Variants in DLG2 observed in about 807,000 individuals in gnomAD.
The protein encoded by DLG2 is discs large MAGUK scaffold protein 2, also known as disks large homolog 2.
A neutral mutation model predicts 132.5 loss-of-function variants in DLG2; 45 were observed. That is an observed-to-expected ratio of 0.34 (90% CI 0.27 to 0.44). The LOEUF is 0.44. DLG2 is among the 20% of genes least tolerant of loss of function. The probability of loss-of-function intolerance (pLI) is 1.00; values close to 1 mark genes in which losing one functional copy is unlikely to be tolerated. For synonymous variants in DLG2, 424 were observed against 419.6 expected, an observed-to-expected ratio of 1.01 and a Z score of -0.13; for missense variants, 1,045 against 1,196.9, an observed-to-expected ratio of 0.87 and a Z score of 1.87.
chr11:83,842,700 C>T (rs2057862027), intron 16 of DLG2, among the ~76,000 whole-genome samples: 1 of 151,218 alleles, frequency 6.6e-6, no homozygotes. Flanking sequence ...CCTGTAGCCC[C>T]AGGTACTCGG....
At chr11:83,756,864 AG>A (rs1210135669) in intron 18 of DLG2, among the ~76,000 whole-genome samples, 1 of 146,350 alleles carries the variant, frequency 6.8e-6, no homozygotes, top group Non-Finnish European at 1.5e-5. Flanking sequence ...CATTATAGTT[AG>A]CCTTTCAGCT....
intron 6 of DLG2, among the ~76,000 whole-genome samples, chr11:85,040,089 C>T (rs956307139): frequency 2.6e-5 from 4 of 151,900 alleles, no homozygotes; most frequent in Admixed American, 6.6e-5. Context: ...ATTCAATGTG[C>T]ACTTTCCGAG....
intron 4 of DLG2, among the ~76,000 whole-genome samples, chr11:85,187,850 AC>A (rs1464398127): frequency 6.6e-6 from 1 of 152,154 alleles, no homozygotes; most frequent in African/African-American, 2.4e-5. Context: ...AAAGGAATAA[AC>A]AGTGGCTCCA....
intron 4 of DLG2, among the ~76,000 whole-genome samples, chr11:85,195,719 G>A (rs1020355918): frequency 6.6e-5 from 10 of 151,918 alleles, no homozygotes; most frequent in Non-Finnish European, 1.5e-4. Context: ...GTAGAGACGG[G>A]GTTTCACCGT....
At chr11:84,969,408 C>T (rs1000546027) in intron 6 of DLG2, among the ~76,000 whole-genome samples, 1 of 152,162 alleles carries the variant, frequency 6.6e-6, no homozygotes, top group Non-Finnish European at 1.5e-5. Context: ...CACAGTGGCT[C>T]TCATTCTCTT....
intron 11 of DLG2, among the ~76,000 whole-genome samples, chr11:84,043,551 G>C (rs2096155949): frequency 6.6e-6 from 1 of 151,640 alleles, no homozygotes; most frequent in South Asian, 2.1e-4. Flanking sequence ...CCACTCTCAA[G>C]TAGGCCCCAG....
chr11:83,648,539 G>C (rs2068974327), intron 18 of DLG2, among the ~76,000 whole-genome samples: 1 of 152,066 alleles, frequency 6.6e-6, no homozygotes, highest in African/African-American at 2.4e-5. Context: ...TAAAACCTCT[G>C]GCTTTTGAAT....
chr11:83,783,745 A>G (rs1262224524), intron 18 of DLG2, among the ~76,000 whole-genome samples: 2 of 152,152 alleles, frequency 1.3e-5, no homozygotes, highest in African/African-American at 4.8e-5. Context: ...ACTCCTGAAT[A>G]GAAATTTCAC....
intron 17 of DLG2, chr11:83,790,719 C>G: frequency 1.3e-6 from 1 of 784,982 alleles, no homozygotes; most frequent in South Asian, 1.4e-5. Context: ...AGTCAACAAC[C>G]CATTCATGGA....
intron 5 of DLG2, among the ~76,000 whole-genome samples, chr11:85,125,476 C>T (rs1339631882): frequency 6.6e-6 from 1 of 152,094 alleles, no homozygotes; most frequent in Non-Finnish European, 1.5e-5. Flanking sequence ...TACAAATCTA[C>T]AACTAATTGT....
chr11:85,111,671 T>TAC lies in DLG2; in HGVS notation c.346_347insGT (p.His116ArgfsTer23). Reference sequence around the variant, plus strand: ...AATAATCAAACTTACAGTACAGTGGTGGACAGGCATCCAAGCAGGGGCTTC... The same window carrying TAC: ...AATAATCAAACTTACAGTACAGTGGTACGGACAGGCATCCAAGCAGGGGCTTC... On this transcript the variant is annotated frameshift_variant, in exon 6 of 28. Transcript: ENST00000376104. LOFTEE classifies it high-confidence loss of function. The TAC allele has an allele frequency of 6.4e-7, 1 of 1,562,680 alleles. No individual in the cohort carries two copies. The highest frequency in any genetic ancestry group is 1.2e-5 in the South Asian group (1 of 84,552).
chr11:84,307,005 G>A (rs1304844275), intron 7 of DLG2, among the ~76,000 whole-genome samples: 1 of 152,140 alleles, frequency 6.6e-6, no homozygotes, highest in Non-Finnish European at 1.5e-5. Context: ...ATACCCGAAG[G>A]AATATAAATT....
intron 8 of DLG2, among the ~76,000 whole-genome samples, chr11:84,243,220 G>T (rs2097259058): frequency 6.6e-6 from 1 of 151,974 alleles, no homozygotes; most frequent in African/African-American, 2.4e-5. Context: ...AGCCCTACTG[G>T]CTACTAAGCA....
chr11:84,173,919 A>G (rs2095878288), intron 8 of DLG2, among the ~76,000 whole-genome samples: 1 of 147,854 alleles, frequency 6.8e-6, no homozygotes, highest in East Asian at 2.0e-4. Flanking sequence ...GGCAGTGATG[A>G]CCATTTATTT....
intron 11 of DLG2, among the ~76,000 whole-genome samples, chr11:84,036,041 A>C (rs2095855726): frequency 6.6e-6 from 1 of 152,140 alleles, no homozygotes; most frequent in South Asian, 2.1e-4. Context: ...GATCTTTATC[A>C]CATCAAAGAT....
At chr11:84,849,041 T>C (rs1057371499) in intron 6 of DLG2, among the ~76,000 whole-genome samples, 3 of 152,182 alleles carry the variant, frequency 2.0e-5, no homozygotes, top group Non-Finnish European at 4.4e-5. Flanking sequence ...TTAAGATGCC[T>C]AGTTACTTAG....
intron 18 of DLG2, among the ~76,000 whole-genome samples, chr11:83,706,394 C>A (rs946349951): frequency 6.6e-6 from 1 of 151,944 alleles, no homozygotes; most frequent in African/African-American, 2.4e-5. Flanking sequence ...GTTAAGGCAG[C>A]GGCTGAATGA....
intron 7 of DLG2, among the ~76,000 whole-genome samples, chr11:84,307,104 T>C (rs745829248): frequency 3.9e-5 from 6 of 152,110 alleles, no homozygotes; most frequent in Non-Finnish European, 8.8e-5. Context: ...AACCTAGGTG[T>C]CCACCAACGG....
chr11:84,471,753 T>G (rs2099108996), intron 7 of DLG2, among the ~76,000 whole-genome samples: 1 of 151,724 alleles, frequency 6.6e-6, no homozygotes, highest in Non-Finnish European at 1.5e-5. Context: ...CTTCCTCAAC[T>G]CCCTCACTCT....
Sources: allele counts gnomAD v4.1 joint callset (sites outside exome capture counted in the v4.1 genomes callset), GRCh38; gene constraint gnomAD v4.1.1; transcripts MANE v1.5; gene names NCBI Gene and HGNC (gene_info 2026-07-23, HGNC 2026-07-21).